The following PIK3CB variants were observed in gnomAD, a reference collection of about 807,000 sequenced individuals.
The protein encoded by PIK3CB is phosphatidylinositol 4,5-bisphosphate 3-kinase catalytic subunit beta isoform.
PIK3CB carries 39 observed loss-of-function variants against 136.8 expected under a neutral mutation model. The observed-to-expected ratio is 0.29, with a 90% CI of 0.22 to 0.37. The LOEUF is 0.37. Ranked by LOEUF, PIK3CB falls within the 10% of genes least tolerant of loss-of-function variation. The pLI is 1.00. For synonymous variants in PIK3CB, 428 were observed against 436.6 expected, an observed-to-expected ratio of 0.98 and a Z score of 0.25; for missense variants, 868 against 1,275.4, an observed-to-expected ratio of 0.68 and a Z score of 4.87.
chr3:138,690,580 T>TGACA (rs1398499571), intron 15 of PIK3CB, among the ~76,000 whole-genome samples: 1 of 152,066 alleles, frequency 6.6e-6, no homozygotes, highest in East Asian at 1.9e-4. Flanking sequence ...ACACTAGTAA[T>TGACA]GACAGTACCA....
intron 2 of PIK3CB, among the ~76,000 whole-genome samples, chr3:138,785,527 A>C (rs1054362278): frequency 2.5e-4 from 38 of 152,132 alleles, no homozygotes; most frequent in African/African-American, 8.4e-4. Flanking sequence ...CCCCAACCCC[A>C]TGCTCTCTGA....
At chr3:138,731,240 C>T (rs1192677753) in intron 8 of PIK3CB, among the ~76,000 whole-genome samples, 3 of 152,010 alleles carry the variant, frequency 2.0e-5, no homozygotes, top group Non-Finnish European at 2.9e-5. Flanking sequence ...ATCATGTTTG[C>T]ACTTTTTCTT....
At position 138,827,935 on chromosome 3, in the gene PIK3CB, CTG is replaced by C. The variant is rs1462524643; in HGVS notation, c.-122+6758_-122+6759del. On this transcript the variant is annotated intron_variant, in intron 1 of 23. Transcript: ENST00000674063. ...CCTGGGAGGCGGAGCTTGAAGTAAA[CTG>C]AGATCGCGCCACTGCACTCCAACCT... Among the ~76,000 whole-genome samples the C allele has an allele frequency of 3.3e-5, 5 of 151,782 alleles. No individual in the cohort carries two copies. The East Asian group carries it at 5.9e-4, about 18-fold the overall frequency.
chr3:138,733,418 G>T lies in PIK3CB; in HGVS notation c.993C>A (p.Asn331Lys). 6.4e-7 allele frequency: 1 copy of T among 1,551,196 alleles called. No homozygotes were observed. The highest frequency in any genetic ancestry group is 8.9e-7 in the Non-Finnish European group (1 of 1,126,110). ...RIISHVWENN[N>K]PFQIVLVKGN... Reference sequence around the variant, plus strand: ...CCTTAACCAAGACAATTTGGAAAGGGTTGTTATTTTCCCAAACATGCTGTA... The same window carrying T: ...CCTTAACCAAGACAATTTGGAAAGGTTTGTTATTTTCCCAAACATGCTGTA... The change falls in exon 8 of 24, where the codon AAC (asparagine) becomes AAA (lysine). Residue 331 changes from asparagine (N) to lysine (K), a missense_variant. Transcript: ENST00000674063.
chr3:138,734,893 A>G, intron 6 of PIK3CB, 89 bp from the exon 7 acceptor site: 1 of 776,538 alleles, frequency 1.3e-6, no homozygotes. Flanking sequence ...ACTATATCAA[A>G]TGCACTGTGA....
At chr3:138,815,368 A>AAAAAAAAAAAAAAC (rs1553743726) in intron 1 of PIK3CB, among the ~76,000 whole-genome samples, 2 of 105,910 alleles carry the variant, frequency 1.9e-5, no homozygotes, top group African/African-American at 3.6e-5. Flanking sequence ...AAAAAAAAAA[A>AAAAAAAAAAAAAAC]AAAAAAACTA....
In PIK3CB at chr3:138,737,728, A is replaced by G; in HGVS notation, c.780T>C (p.Asp260=). Residue 260 remains aspartate, a synonymous_variant, in exon 6 of 24, where the codon GAT becomes GAC. Transcript: ENST00000674063. ...VSGRVEYVFG[D]HPLIQFQYIR... ...ATACCTGGAACTGAATTAGTGGATG[A>G]TCACCAAAAACATATTCTACTCTCC... is the stretch of plus-strand genomic sequence containing the variant. 1 of 1,605,388 alleles carries G rather than the reference A, an allele frequency of 6.2e-7. No homozygotes were observed. The highest frequency in any genetic ancestry group is 1.7e-5 in the Admixed American group (1 of 58,706).
At chr3:138,669,096 A>G (rs997677834) in intron 19 of PIK3CB, among the ~76,000 whole-genome samples, 2 of 152,280 alleles carry the variant, frequency 1.3e-5, no homozygotes, top group Non-Finnish European at 1.5e-5. Context: ...CTATCATTAA[A>G]TAACTTTTGT....
intron 9 of PIK3CB, among the ~76,000 whole-genome samples, chr3:138,713,608 T>C (rs1285593510): frequency 1.3e-5 from 2 of 152,142 alleles, no homozygotes; most frequent in African/African-American, 4.8e-5. Context: ...GAGGCGGAAG[T>C]TGCAGTGAGC....
intron 19 of PIK3CB, among the ~76,000 whole-genome samples, chr3:138,675,631 A>G (rs975695544): frequency 6.6e-6 from 1 of 152,170 alleles, no homozygotes; most frequent in Non-Finnish European, 1.5e-5. Flanking sequence ...GAAACCAGGG[A>G]AGCCAGAAGA....
intron 22 of PIK3CB, 46 bp downstream of exon 22, chr3:138,657,644 A>C (rs2043215545): frequency 6.4e-7 from 1 of 1,551,864 alleles, no homozygotes; most frequent in Non-Finnish European, 8.8e-7. Context: ...TGGTCAGATA[A>C]GAAAATGTTA....
intron 4 of PIK3CB, among the ~76,000 whole-genome samples, chr3:138,747,067 TATATATATATATATATA>T (rs2045371904): frequency 3.5e-5 from 1 of 28,808 alleles, no homozygotes; most frequent in Non-Finnish European, 6.6e-5. Flanking sequence ...TATATATATA[TATATATATATATATATA>T]TATATATATA....
At chr3:138,817,992 T>G (rs765087538) in intron 1 of PIK3CB, among the ~76,000 whole-genome samples, 2 of 151,954 alleles carry the variant, frequency 1.3e-5, no homozygotes, top group Non-Finnish European at 2.9e-5. Context: ...TAATTGAGCT[T>G]AAGTCAAGAT....
At chr3:138,825,583 T>C (rs1351100435) in intron 1 of PIK3CB, 9 of 633,144 alleles carry the variant, frequency 1.4e-5, no homozygotes, top group Non-Finnish European at 2.3e-5. Context: ...GTTCATGGGA[T>C]AGAAAGTCAC....
chr3:138,667,389 T>C (rs1163031522), intron 19 of PIK3CB, among the ~76,000 whole-genome samples: 2 of 151,738 alleles, frequency 1.3e-5, no homozygotes, highest in African/African-American at 4.8e-5. Flanking sequence ...TGAGAAAGCT[T>C]CCGAAGGACT....
At chr3:138,821,287 A>AC (rs1473216628) in intron 1 of PIK3CB, among the ~76,000 whole-genome samples, 22 of 149,778 alleles carry the variant, frequency 1.5e-4, no homozygotes, top group African/African-American at 2.2e-4. Flanking sequence ...CGTCTCAAAA[A>AC]AAAAAACAAA....
chr3:138,729,011 T>C (rs530197816), intron 8 of PIK3CB, among the ~76,000 whole-genome samples: 1 of 152,274 alleles, frequency 6.6e-6, no homozygotes, highest in Non-Finnish European at 1.5e-5. Context: ...CTGGGCATAG[T>C]AGCTCACATC....
intron 8 of PIK3CB, among the ~76,000 whole-genome samples, chr3:138,716,777 T>C (rs1165649839): frequency 6.7e-6 from 1 of 148,852 alleles, no homozygotes; most frequent in Non-Finnish European, 1.5e-5. Context: ...GCACCTGTAA[T>C]CCCAGCTACT....
At position 138,805,398 on chromosome 3, in the gene PIK3CB, C is replaced by T. The variant is rs563543967; in HGVS notation, c.-121-8831G>A. 2.9e-4 allele frequency among the ~76,000 whole-genome samples: 43 copies of T among 150,706 alleles called. No individual in the cohort carries two copies. In the East Asian group the frequency reaches 3.4e-3, roughly 12 times the overall value. ...TAAAAACAGAATTAGGGGTCGGGCACGGTGGCTCACGACTGTAATCCAAGC... is the reference window on the plus strand; with the variant it reads ...TAAAAACAGAATTAGGGGTCGGGCATGGTGGCTCACGACTGTAATCCAAGC... On this transcript the variant is annotated intron_variant, in intron 1 of 23. Coordinates refer to ENST00000674063, the MANE Select transcript of PIK3CB (RefSeq NM_006219.3).
Sources: gnomAD v4.1 joint callset for allele counts (sites outside exome capture counted in the v4.1 genomes callset) on GRCh38, gnomAD v4.1.1 for gene constraint, MANE v1.5 for transcripts, NCBI Gene and HGNC (gene_info 2026-07-23, HGNC 2026-07-21) for gene names.